Variants in FGGY observed in about 807,000 individuals in gnomAD.
The protein encoded by FGGY is FGGY carbohydrate kinase domain containing.
A neutral mutation model predicts 71.3 loss-of-function variants in FGGY; 72 were observed. The observed-to-expected ratio is 1.01, with a 90% CI of 0.84 to 1.23. The LOEUF (loss-of-function observed/expected upper bound fraction) is 1.23. Among genes scored for constraint, FGGY ranks in the 50% most tolerant of loss-of-function variants. FGGY has a pLI of 0.00. For synonymous variants in FGGY, 251 were observed against 250.3 expected, an observed-to-expected ratio of 1.00 and a Z score of -0.02; for missense variants, 668 against 682.3, an observed-to-expected ratio of 0.98 and a Z score of 0.23.
intron 6 of FGGY, among the ~76,000 whole-genome samples, chr1:59,463,756 A>G (rs2092423344): frequency 6.6e-6 from 1 of 152,140 alleles, no homozygotes; most frequent in African/African-American, 2.4e-5. Context: ...CAAAGATCAA[A>G]AGAGACAAAG....
At chr1:59,701,892 A>G (rs2097712358) in intron 14 of FGGY, among the ~76,000 whole-genome samples, 1 of 152,190 alleles carries the variant, frequency 6.6e-6, no homozygotes, top group African/African-American at 2.4e-5. Flanking sequence ...TCAGTGAGTG[A>G]GTTTTTCAGA....
intron 2 of FGGY, among the ~76,000 whole-genome samples, chr1:59,322,528 T>C (rs905189776): frequency 6.6e-6 from 1 of 152,184 alleles, no homozygotes; most frequent in Non-Finnish European, 1.5e-5. Flanking sequence ...ACCATTGGAC[T>C]CTGCTGCCTT....
At chr1:59,552,183 G>A (rs75254351) in intron 7 of FGGY, among the ~76,000 whole-genome samples, 4,051 of 152,276 alleles carry the variant, frequency 0.027, 184 homozygotes, top group African/African-American at 0.093. Context: ...AACAGAGCCC[G>A]AGTGGTGGAG....
intron 14 of FGGY, among the ~76,000 whole-genome samples, chr1:59,756,555 G>A (rs1295914427): frequency 6.6e-6 from 1 of 152,192 alleles, no homozygotes; most frequent in Non-Finnish European, 1.5e-5. Context: ...TGAGCTCTTT[G>A]ATGAAAGGCC....
chr1:59,751,210 G>A (rs1383921182), intron 14 of FGGY, among the ~76,000 whole-genome samples: 1 of 152,162 alleles, frequency 6.6e-6, no homozygotes, highest in East Asian at 1.9e-4. Context: ...TATTCACAAA[G>A]TGGTGATAGA....
At chr1:59,626,254 C>A in intron 10 of FGGY, 1 of 501,814 alleles carries the variant, frequency 2.0e-6, no homozygotes. Flanking sequence ...TAGAGATACC[C>A]CAAGAATATA....
chr1:59,328,592 G>A (rs141532703), intron 2 of FGGY, among the ~76,000 whole-genome samples: 2 of 152,196 alleles, frequency 1.3e-5, no homozygotes, highest in African/African-American at 4.8e-5. Flanking sequence ...TTTTCCTTAC[G>A]AACTTTCTTT....
At chr1:59,695,210 T>C (rs914520880) in intron 14 of FGGY, among the ~76,000 whole-genome samples, 1 of 152,202 alleles carries the variant, frequency 6.6e-6, no homozygotes, top group African/African-American at 2.4e-5. Flanking sequence ...CTCAGAGTTC[T>C]GGTGGGCCTA....
At chr1:59,733,787 C>T (rs2101017617) in intron 14 of FGGY, among the ~76,000 whole-genome samples, 1 of 152,334 alleles carries the variant, frequency 6.6e-6, no homozygotes, top group East Asian at 1.9e-4. Flanking sequence ...CAAACCCTCA[C>T]TCTGCATCCC....
At chr1:59,719,429 G>A (rs1178409769) in intron 14 of FGGY, among the ~76,000 whole-genome samples, 1 of 152,002 alleles carries the variant, frequency 6.6e-6, no homozygotes. Flanking sequence ...TTGTAAAATG[G>A]AGCTAAAAAA....
intron 14 of FGGY, among the ~76,000 whole-genome samples, chr1:59,709,087 C>T (rs960055698): frequency 2.0e-4 from 31 of 152,206 alleles, no homozygotes; most frequent in African/African-American, 7.2e-4. Context: ...CGCGCGCGCG[C>T]ATACACGTCC....
intron 5 of FGGY, among the ~76,000 whole-genome samples, chr1:59,398,388 G>A (rs908213952): frequency 1.3e-5 from 2 of 151,948 alleles, no homozygotes; most frequent in African/African-American, 2.4e-5. Flanking sequence ...ACAGGTGCAC[G>A]CCACCACGCC....
At chr1:59,757,071 T>C (rs1380072576) in intron 14 of FGGY, among the ~76,000 whole-genome samples, 1 of 152,160 alleles carries the variant, frequency 6.6e-6, no homozygotes, top group Admixed American at 6.5e-5. Flanking sequence ...AATGACTGCA[T>C]CCTTAGCAAT....
At chr1:59,568,614 T>C (rs1571397312) in intron 8 of FGGY, among the ~76,000 whole-genome samples, 1 of 152,292 alleles carries the variant, frequency 6.6e-6, no homozygotes, top group East Asian at 1.9e-4. Context: ...GTTACTACAC[T>C]GTCCGTGTGT....
intron 1 of FGGY, among the ~76,000 whole-genome samples, chr1:59,308,634 T>A (rs1158699550): frequency 6.6e-6 from 1 of 152,190 alleles, no homozygotes; most frequent in East Asian, 1.9e-4. Context: ...CCCCAGTGTT[T>A]CTGAGTCACT....
At chr1:59,537,271 C>T (rs1306794587) in intron 7 of FGGY, among the ~76,000 whole-genome samples, 1 of 151,944 alleles carries the variant, frequency 6.6e-6, no homozygotes, top group Non-Finnish European at 1.5e-5. Context: ...AATAAAATAG[C>T]TAGGAATCCA....
intron 14 of FGGY, among the ~76,000 whole-genome samples, chr1:59,698,413 C>T (rs995240735): frequency 1.0e-4 from 15 of 150,078 alleles, no homozygotes; most frequent in Non-Finnish European, 1.9e-4. Flanking sequence ...CCCAGAAAAA[C>T]TACAGATGCT....
chr1:59,460,183 G>A (rs935395731), intron 6 of FGGY, among the ~76,000 whole-genome samples: 7 of 152,122 alleles, frequency 4.6e-5, no homozygotes, highest in Admixed American at 3.9e-4. Context: ...GGAAAATCGG[G>A]ACACTGCCGC....
intron 8 of FGGY, among the ~76,000 whole-genome samples, chr1:59,560,435 A>C (rs2095768522): frequency 6.6e-6 from 1 of 152,210 alleles, no homozygotes; most frequent in Admixed American, 6.5e-5. Flanking sequence ...ATCTGAATAA[A>C]GTATGGTCTT....
Sources: gnomAD v4.1 joint callset for allele counts (sites outside exome capture counted in the v4.1 genomes callset) on GRCh38, gnomAD v4.1.1 for gene constraint, MANE v1.5 for transcripts, NCBI Gene and HGNC (gene_info 2026-07-23, HGNC 2026-07-21) for gene names.